DZIP1: variants seen among roughly 807,000 people sequenced by gnomAD.
DZIP1 encodes cilium assembly protein DZIP1.
In DZIP1, 97 loss-of-function variants were observed where a neutral mutation model predicts 107.6. The observed-to-expected ratio is 0.90, with a 90% confidence interval of 0.77 to 1.07. The LOEUF (loss-of-function observed/expected upper bound fraction) is 1.07. DZIP1 is among the 50% of genes least tolerant of loss of function. DZIP1 has a pLI of 0.00. For synonymous variants in DZIP1, 390 were observed against 386.4 expected (o/e 1.01, Z -0.11); for missense variants, 1,035 against 1,063.6 (o/e 0.97, Z 0.37).
At chr13:95,642,779 T>C (rs1878686489) in intron 3 of DZIP1, among the ~76,000 whole-genome samples, 1 of 152,234 alleles carries the variant, frequency 6.6e-6, no homozygotes, top group African/African-American at 2.4e-5. Flanking sequence ...AAATGAAATT[T>C]GCAGTTAATC....
At chr13:95,621,933 C>T (rs1279529988) in intron 9 of DZIP1, among the ~76,000 whole-genome samples, 1 of 151,948 alleles carries the variant, frequency 6.6e-6, no homozygotes, top group Non-Finnish European at 1.5e-5. Context: ...CAAGATCAGC[C>T]TGGCCAATAT....
Position 95,612,124 on chromosome 13 carries a change from T to C in DZIP1, c.1227A>G (p.Ala409=), listed in dbSNP as rs1209329333. The C allele has an allele frequency of 6.2e-7, 1 of 1,613,544 alleles. No individual in the cohort carries two copies. The highest frequency in any genetic ancestry group is 8.5e-7 in the Non-Finnish European group (1 of 1,180,022). Residue 409 remains alanine, a synonymous_variant, in exon 11 of 23, where the codon GCA becomes GCG. Coordinates refer to ENST00000376829, the MANE Select transcript of DZIP1 (RefSeq NM_198968.4). Reference sequence around the variant, plus strand: ...TCCTTTTCTTATAGAAAACATTGCTTGCATTTAGATCATCTATCATTGAGG... The same window carrying C: ...TCCTTTTCTTATAGAAAACATTGCTCGCATTTAGATCATCTATCATTGAGG... ...LRTSMIDDLN[A]SNVFYKKRIE... is the part of the protein sequence containing the mutation.
At chr13:95,599,557 G>T (rs1357398142) in intron 14 of DZIP1, 133 bp from the exon 15 acceptor site, 1 of 749,722 alleles carries the variant, frequency 1.3e-6, no homozygotes, top group Non-Finnish European at 2.2e-6. Flanking sequence ...ATTTACTGAG[G>T]AAAAAACGTT....
At chr13:95,599,294 T>C in intron 15 of DZIP1, 71 bp downstream of exon 15, 1 of 1,381,390 alleles carries the variant, frequency 7.2e-7, no homozygotes, top group Non-Finnish European at 1.0e-6. Context: ...CACTGGCTCA[T>C]ATTTTCCAGG....
chr13:95,624,165 C>T (rs565152390), intron 8 of DZIP1, among the ~76,000 whole-genome samples: 1 of 152,200 alleles, frequency 6.6e-6, no homozygotes, highest in Non-Finnish European at 1.5e-5. Flanking sequence ...CCCTTCCTTT[C>T]TCCGTTTTCC....
At chr13:95,631,566 T>A (rs1013318150) in intron 6 of DZIP1, among the ~76,000 whole-genome samples, 24 of 152,170 alleles carry the variant, frequency 1.6e-4, no homozygotes, top group Admixed American at 1.4e-3. Context: ...AGCCCTTACA[T>A]TCTTTGCTTT....
In DZIP1 at chr13:95,641,172, C is replaced by T; in HGVS notation, c.597+123G>A. On this transcript the variant is annotated intron_variant, in intron 5 of 22. Transcript: ENST00000376829. The surrounding 1 kb of genome is among the most constrained non-coding windows in gnomAD (Gnocchi z 4.3). ...AAATGACTGTTTTTGCTTAAATATACTGTGTCTTCTGATATACAATATAAA... is the reference window on the plus strand; with the variant it reads ...AAATGACTGTTTTTGCTTAAATATATTGTGTCTTCTGATATACAATATAAA... The T allele has an allele frequency of 7.3e-7, 1 of 1,361,976 alleles. No homozygotes were observed. Among genetic ancestry groups the T allele is most frequent in the Non-Finnish European group, 9.8e-7 (1 of 1,018,710 alleles). 84.4% of individuals were successfully genotyped at this position (1,361,976 alleles called of 1,614,324 possible). A position where few individuals can be genotyped will look rare whatever the true frequency, so the allele number is the denominator to read the frequency against.
chr13:95,638,806 A>C (rs1451462015), intron 5 of DZIP1, among the ~76,000 whole-genome samples: 1 of 152,186 alleles, frequency 6.6e-6, no homozygotes, highest in Middle Eastern at 3.2e-3. Context: ...AAGCAAAGGG[A>C]GTAGAGACAA....
At chr13:95,605,115 G>A (rs1336276336) in intron 14 of DZIP1, among the ~76,000 whole-genome samples, 1 of 152,172 alleles carries the variant, frequency 6.6e-6, no homozygotes, top group Non-Finnish European at 1.5e-5. Context: ...TCAGTGATGA[G>A]TAAAAAGGAT....
chr13:95,614,188 C>T (rs554977029), intron 10 of DZIP1, among the ~76,000 whole-genome samples: 5 of 150,510 alleles, frequency 3.3e-5, no homozygotes, highest in African/African-American at 1.2e-4. Context: ...CTCTGAAATG[C>T]TCTGTGCTCC....
Position 95,579,933 on chromosome 13 carries a change from G to A in DZIP1, c.*2301C>T, listed in dbSNP as rs184604836. The A allele has an allele frequency of 2.6e-5, 4 of 152,134 alleles. No homozygotes were observed. Among genetic ancestry groups the A allele is most frequent in the Non-Finnish European group, 4.4e-5 (3 of 68,028 alleles). The allele number at this position is 152,134 out of a possible 1,614,324, so 9.4% of individuals were successfully genotyped here. ...TTACACCGAAGAATTTAGGGAGGGT[G>A]GGGGATGAAGGTCTGTTAGTAACCA... On this transcript the variant is annotated 3_prime_UTR_variant, in exon 23 of 23. Coordinates refer to ENST00000376829, the MANE Select transcript of DZIP1 (RefSeq NM_198968.4).
chr13:95,641,858 G>T lies in DZIP1; in HGVS notation c.37-3C>A, dbSNP rs1878563358. 2 of 1,447,530 alleles carry T rather than the reference G, an allele frequency of 1.4e-6. No individual in the cohort carries two copies. Among genetic ancestry groups the T allele is most frequent in the Non-Finnish European group, 1.8e-6 (2 of 1,107,558 alleles). The allele number at this position is 1,447,530 out of a possible 1,614,324, so 89.7% of individuals were successfully genotyped here. ...TAGTAGACATGCTTCTGGAAGGGCT[G>T]CGGGGGGCACAAAGAGAGCGCGGCG... On this transcript the variant is annotated splice_polypyrimidine_tract_variant and splice_region_variant and intron_variant, in intron 4 of 22. Coordinates refer to ENST00000376829, the MANE Select transcript of DZIP1 (RefSeq NM_198968.4). This position sits in a 1 kb window ranked among gnomAD's most constrained non-coding sequence, Gnocchi z 4.3.
Position 95,590,348 on chromosome 13 carries a change from G to T in DZIP1, c.1774C>A (p.His592Asn). 6.2e-7 allele frequency: 1 copy of T among 1,613,842 alleles called. No individual in the cohort carries two copies. The highest frequency in any genetic ancestry group is 8.5e-7 in the Non-Finnish European group (1 of 1,179,886). ...HKQEREIPNF[H>N]QIREFLEHQV... ...TGTTCAAGGAATTCTCGAATTTGAT[G>T]AAAGTTAGGTATTTCTCTTTCTTGC... Residue 592 changes from histidine to asparagine, a missense_variant, in exon 17 of 23, where the codon CAT (histidine) becomes AAT (asparagine). By Grantham distance (68) the His-to-Asn change is moderately conservative. Transcript: ENST00000376829.
intron 10 of DZIP1, among the ~76,000 whole-genome samples, chr13:95,616,552 A>C (rs1875097100): frequency 6.6e-6 from 1 of 152,186 alleles, no homozygotes; most frequent in Non-Finnish European, 1.5e-5. Flanking sequence ...CAAGGAAACA[A>C]ATAAGCAAGT....
chr13:95,584,935 T>C, intron 21 of DZIP1, 25 bp from the exon 22 acceptor site: 1 of 1,586,808 alleles, frequency 6.3e-7, no homozygotes, highest in Non-Finnish European at 8.6e-7. Flanking sequence ...TGGAGAATAA[T>C]TAATGTTGCT....
chr13:95,635,764 A>G (rs765515966), intron 5 of DZIP1, among the ~76,000 whole-genome samples: 1 of 152,216 alleles, frequency 6.6e-6, no homozygotes, highest in African/African-American at 2.4e-5. Context: ...TAACAGAGAC[A>G]GAGACCATCC....
At chr13:95,601,688 C>T (rs74109009) in intron 14 of DZIP1, among the ~76,000 whole-genome samples, 2,696 of 152,222 alleles carry the variant, frequency 0.018, 77 homozygotes, top group African/African-American at 0.06. Context: ...GCTGTGAATC[C>T]GGACTGCCTG....
chr13:95,586,092 G>C lies in DZIP1; in HGVS notation c.2263C>G (p.Pro755Ala), dbSNP rs1006851156. ...GGTTTGTTCACATTTTTGCGATGTG[G>C]AAACATCTTTTCAACTTTTTCAGTA... ...TPTEKVEKMF[P>A]HRKNVNKPVG... is the part of the protein sequence containing the mutation. Residue 755 changes from proline (P) to alanine (A), a missense_variant, in exon 21 of 23, where the codon CCA (proline) becomes GCA (alanine). Pro to Ala is a conservative substitution (Grantham distance 27). Coordinates refer to ENST00000376829, the MANE Select transcript of DZIP1 (RefSeq NM_198968.4). The C allele has an allele frequency of 4.3e-6, 7 of 1,611,702 alleles. No individual in the cohort carries two copies. Among genetic ancestry groups the C allele is most frequent in the Non-Finnish European group, 5.9e-6 (7 of 1,179,200 alleles).
In DZIP1 at chr13:95,584,767, G is replaced by C; in HGVS notation, c.2493C>G (p.Gly831=). ...CCTTTGGCCCCTTAGGATTAAATGC[G>C]CCCCAGGCATTTAGCACATGAGCAA... ...PHFAHVLNAW[G]AFNPKGPKGE... Residue 831 remains glycine, a synonymous_variant, in exon 22 of 23, where the codon GGC becomes GGG. Coordinates refer to ENST00000376829, the MANE Select transcript of DZIP1 (RefSeq NM_198968.4). 1 of 1,613,848 alleles carries C rather than the reference G, an allele frequency of 6.2e-7. No individual in the cohort carries two copies. Among genetic ancestry groups the C allele is most frequent in the African/African-American group, 1.3e-5 (1 of 74,998 alleles).
Sources: allele counts gnomAD v4.1 joint callset (sites outside exome capture counted in the v4.1 genomes callset), GRCh38; gene constraint gnomAD v4.1.1; non-coding constraint Gnocchi (gnomAD v3.1); transcripts MANE v1.5; gene names NCBI Gene and HGNC (gene_info 2026-07-23, HGNC 2026-07-21).